MTMR12: variants seen among roughly 807,000 people sequenced by gnomAD.
The protein encoded by MTMR12 is myotubularin related protein 12, also known as myotubularin-related protein 12.
A neutral mutation model predicts 96.7 loss-of-function variants in MTMR12; 33 were observed. The observed-to-expected ratio is 0.34, with a 90% CI of 0.26 to 0.46. MTMR12 has a LOEUF of 0.46. MTMR12 is among the 20% of genes least tolerant of loss of function. The probability of loss-of-function intolerance (pLI) is 1.00; values close to 1 mark genes in which losing one functional copy is unlikely to be tolerated. For missense variants in MTMR12, 721 were observed against 896.1 expected (o/e 0.80, Z 2.49); for synonymous variants, 298 against 327.2 (o/e 0.91, Z 0.96).
chr5:32,276,843 T>C, intron 1 of MTMR12, 101 bp from the exon 2 acceptor site: 1 of 479,720 alleles, frequency 2.1e-6, no homozygotes, highest in African/African-American at 2.1e-5. Context: ...TCACATACCC[T>C]CAGGAGCTTT....
At chr5:32,274,657 G>C (rs1229558100) in intron 2 of MTMR12, among the ~76,000 whole-genome samples, 1 of 152,184 alleles carries the variant, frequency 6.6e-6, no homozygotes, top group Non-Finnish European at 1.5e-5. Flanking sequence ...GATCCAGGAG[G>C]TGTTGCCGCC....
chr5:32,234,973 C>A lies in MTMR12; in HGVS notation c.1501G>T (p.Asp501Tyr). 1 of 1,612,978 alleles carries A rather than the reference C, an allele frequency of 6.2e-7. No individual in the cohort carries two copies. The highest frequency in any genetic ancestry group is 8.5e-7 in the Non-Finnish European group (1 of 1,179,228). ...AGAGGGACTCTTACCATGTTAGTAT[C>A]TTTTTGATGAGGTGAATTGAAGAAG... ...TFFFNSPHQK[D>Y]TNMGREGQDT... Residue 501 changes from aspartate (D) to tyrosine (Y), a missense_variant, in exon 14 of 16, where the codon GAT becomes TAT. Physicochemically the swap from Asp to Tyr is radical, Grantham distance 160. Coordinates refer to ENST00000382142, the MANE Select transcript of MTMR12 (RefSeq NM_001040446.3).
intron 7 of MTMR12, among the ~76,000 whole-genome samples, chr5:32,256,936 T>A (rs1749161594): frequency 6.6e-6 from 1 of 152,214 alleles, no homozygotes; most frequent in Non-Finnish European, 1.5e-5. Context: ...TCTCATTTAA[T>A]CTTGATTACT....
In MTMR12 at chr5:32,266,712, C is replaced by CA. The variant is rs369203240; in HGVS notation, c.583+1988dup. The stretch of plus-strand genomic sequence containing the variant: ...AAAAAAAAAAAACAACCAACAACAA[C>CA]AAAAAAAAACTGCCACTTCCCTGAC... On this transcript the variant is annotated intron_variant, in intron 6 of 15. Transcript: ENST00000382142. Among the ~76,000 whole-genome samples the CA allele has an allele frequency of 9.2e-4, 136 of 148,414 alleles. 1 individual carries two copies. Among genetic ancestry groups the CA allele is most frequent in the East Asian group, 6.0e-4 (3 of 5,034 alleles).
intron 13 of MTMR12, among the ~76,000 whole-genome samples, chr5:32,237,781 A>G (rs1001996762): frequency 6.6e-6 from 1 of 151,094 alleles, no homozygotes; most frequent in Non-Finnish European, 1.5e-5. Context: ...AAGTCCTGGG[A>G]TTACAGGTGG....
Position 32,230,119 on chromosome 5 carries a change from C to T in MTMR12, c.1903G>A (p.Glu635Lys), listed in dbSNP as rs745948546. The change falls in exon 16 of 16, where the codon GAA becomes AAA. Residue 635 changes from glutamate to lysine, a missense_variant. Glu to Lys is a moderately conservative substitution (Grantham distance 56). Transcript: ENST00000382142. ...TAGCGCTGGGCCCAGACTTTGATTT[C>T]GGGCCCCTCGATATGCGGTAACAAC... ...GLLLPHIEGPEIKVWAQRYLR... is the reference protein window; with the variant it reads ...GLLLPHIEGPKIKVWAQRYLR... The T allele has an allele frequency of 1.9e-5, 31 of 1,612,336 alleles. No homozygotes were observed. Among genetic ancestry groups the T allele is most frequent in the Non-Finnish European group, 2.3e-5 (27 of 1,178,718 alleles).
rs897242997 is a variant in MTMR12, at chr5:32,312,625, G to T, written c.81+133C>A. 8.4e-6 allele frequency: 7 copies of T among 836,668 alleles called. No individual in the cohort carries two copies. The highest frequency in any genetic ancestry group is 9.3e-6 in the Non-Finnish European group (6 of 642,914). 51.8% of individuals were successfully genotyped at this position (836,668 alleles called of 1,614,324 possible). On this transcript the variant is annotated intron_variant, in intron 1 of 15. Coordinates refer to ENST00000382142, the MANE Select transcript of MTMR12 (RefSeq NM_001040446.3). This position sits in a 1 kb window ranked among gnomAD's most constrained non-coding sequence, Gnocchi z 5.0. ...CAGCGCGCTCCTGCGGCCTCAGCCC[G>T]CCTGGCTGCCCCGTCGCCCGGCACA...
chr5:32,273,880 G>A (rs1749943120), intron 3 of MTMR12, 100 bp downstream of exon 3: 2 of 1,509,982 alleles, frequency 1.3e-6, no homozygotes, highest in African/African-American at 2.8e-5. Context: ...GTGTTTATGT[G>A]TGTTAGGGGG....
intron 12 of MTMR12, among the ~76,000 whole-genome samples, chr5:32,240,996 C>CAAGGTGAG (rs1204919874): frequency 6.6e-6 from 1 of 152,160 alleles, no homozygotes; most frequent in African/African-American, 2.4e-5. Flanking sequence ...AAGAGATTTC[C>CAAGGTGAG]AAGGTGAGAC....
At chr5:32,241,356 A>G (rs560067597) in intron 12 of MTMR12, among the ~76,000 whole-genome samples, 17 of 152,348 alleles carry the variant, frequency 1.1e-4, no homozygotes, top group Admixed American at 5.2e-4. Context: ...CCACAGAAAG[A>G]TACATTTTCC....
At chr5:32,240,415 A>G (rs1161695092) in intron 12 of MTMR12, among the ~76,000 whole-genome samples, 7 of 147,064 alleles carry the variant, frequency 4.8e-5, no homozygotes, top group Admixed American at 4.7e-4. Flanking sequence ...AAAAAAAAAA[A>G]GGAATGAATT....
intron 6 of MTMR12, among the ~76,000 whole-genome samples, chr5:32,264,170 G>A (rs552761657): frequency 6.6e-6 from 1 of 152,258 alleles, no homozygotes; most frequent in South Asian, 2.1e-4. Flanking sequence ...CTGGAGCACC[G>A]CTCTTGCAGC....
At chr5:32,286,130 C>G (rs2112119140) in intron 1 of MTMR12, among the ~76,000 whole-genome samples, 1 of 152,182 alleles carries the variant, frequency 6.6e-6, no homozygotes, top group African/African-American at 2.4e-5. Context: ...CACTTGAGCC[C>G]AAGTTCGAGA....
At chr5:32,249,912 A>G (rs1748851545) in intron 8 of MTMR12, among the ~76,000 whole-genome samples, 1 of 152,206 alleles carries the variant, frequency 6.6e-6, no homozygotes, top group South Asian at 2.1e-4. Context: ...TAAGTGCTTG[A>G]GAGTGGCTAA....
At position 32,293,015 on chromosome 5, in the gene MTMR12, T is replaced by C. The variant is rs143201521; in HGVS notation, c.82-16273A>G. On this transcript the variant is annotated intron_variant, in intron 1 of 15. Transcript: ENST00000382142. Reference sequence around the variant, plus strand: ...GCATTTAAGTATTGTTAACTTTATGTAATGGTATTTGGGTTGGGGATTGGT... The same window carrying C: ...GCATTTAAGTATTGTTAACTTTATGCAATGGTATTTGGGTTGGGGATTGGT... Among the ~76,000 whole-genome samples, 450 of 152,368 alleles carry C rather than the reference T, an allele frequency of 3.0e-3. 3 individuals carry two copies. Among genetic ancestry groups the C allele is most frequent in the African/African-American group, 0.011 (437 of 41,582 alleles).
chr5:32,278,575 T>C lies in MTMR12; in HGVS notation c.82-1833A>G, dbSNP rs778225636. 3.3e-5 allele frequency among the ~76,000 whole-genome samples: 5 copies of C among 152,122 alleles called. No homozygotes were observed. The South Asian group carries it at 1.0e-3, about 32-fold the overall frequency. On this transcript the variant is annotated intron_variant, in intron 1 of 15. Transcript: ENST00000382142. Reference sequence around the variant, plus strand: ...GTGACTAAGATGCCAGTAAACCAAGTCCCTCTGAGGCAGTGTGGTCAGATC... The same window carrying C: ...GTGACTAAGATGCCAGTAAACCAAGCCCCTCTGAGGCAGTGTGGTCAGATC...
Position 32,242,048 on chromosome 5 carries a change from A to G in MTMR12, c.1171+9T>C, listed in dbSNP as rs1230771104. ...ATGGAAATCATCCTTTGTGCTTCCT[A>G]TATATTACCTAAAAGAAGAACATTC... is the stretch of plus-strand genomic sequence containing the variant. On this transcript the variant is annotated intron_variant, in intron 12 of 15. Transcript: ENST00000382142. 2.5e-6 allele frequency: 4 copies of G among 1,602,854 alleles called. No homozygotes were observed. Among genetic ancestry groups the G allele is most frequent in the Admixed American group, 1.7e-5 (1 of 59,802 alleles).
At chr5:32,271,808 A>G in intron 4 of MTMR12, 25 bp downstream of exon 4, 1 of 1,447,304 alleles carries the variant, frequency 6.9e-7, no homozygotes, top group African/African-American at 1.4e-5. Flanking sequence ...GGTTGCCAAC[A>G]CCCCAGGGAA....
In MTMR12 at chr5:32,229,813, G is replaced by T. The variant is rs145436150; in HGVS notation, c.2209C>A (p.Arg737=). 4.5e-6 allele frequency: 7 copies of T among 1,561,002 alleles called. No homozygotes were observed. Among genetic ancestry groups the T allele is most frequent in the Non-Finnish European group, 6.1e-6 (7 of 1,154,594 alleles). Residue 737 remains arginine (R), a synonymous_variant, in exon 16 of 16, where the codon CGA becomes AGA. Transcript: ENST00000382142. ...ALGDEDDLAK[R]EDEFVDLGDV is the part of the protein sequence containing the mutation. ...CCTAGGTCCACGAACTCATCTTCTC[G>T]TTTGGCCAAATCGTCTTCATCTCCC...
Sources: gnomAD v4.1 joint callset for allele counts (sites outside exome capture counted in the v4.1 genomes callset) on GRCh38, gnomAD v4.1.1 for gene constraint, Gnocchi (gnomAD v3.1) non-coding constraint, MANE v1.5 for transcripts, NCBI Gene and HGNC (gene_info 2026-07-23, HGNC 2026-07-21) for gene names.